ARFIP1: variants seen among roughly 807,000 people sequenced by gnomAD.
The protein encoded by ARFIP1 is arfaptin-1.
A neutral mutation model predicts 42.5 loss-of-function variants in ARFIP1; 24 were observed. The ratio of observed to expected loss-of-function variants is 0.57; its 90% CI spans 0.41 to 0.80. ARFIP1 has a LOEUF of 0.80. ARFIP1 is among the 30% of genes least tolerant of loss of function. ARFIP1 has a pLI of 0.00. For missense variants in ARFIP1, 354 were observed against 434.0 expected (o/e 0.82, Z 1.64); for synonymous variants, 141 against 153.7 (o/e 0.92, Z 0.61).
intron 1 of ARFIP1, among the ~76,000 whole-genome samples, chr4:152,801,518 A>G (rs1453541079): frequency 6.6e-6 from 1 of 152,194 alleles, no homozygotes; most frequent in Non-Finnish European, 1.5e-5. Context: ...TTCAGTAATT[A>G]TCCGGATTTC....
intron 5 of ARFIP1, among the ~76,000 whole-genome samples, chr4:152,873,467 A>G (rs924100766): frequency 6.6e-6 from 1 of 152,246 alleles, no homozygotes; most frequent in African/African-American, 2.4e-5. Context: ...AACATGTTAC[A>G]TGAATCTGTC....
rs1418077477 is a variant in ARFIP1 at position 152,804,267 on chromosome 4, AT to A, written c.-10+24043del. 4.6e-3 allele frequency among the ~76,000 whole-genome samples: 418 copies of A among 91,780 alleles called. 88 individuals are homozygous for A. The highest frequency in any genetic ancestry group is 0.018 in the African/African-American group (375 of 20,526). The allele number at this position is 91,780 out of a possible 152,430, so 60.2% of individuals were successfully genotyped here. A position where few individuals can be genotyped will look rare whatever the true frequency, so the allele number is the denominator to read the frequency against. On this transcript the variant is annotated intron_variant, in intron 1 of 8. Transcript: ENST00000353617. The stretch of plus-strand genomic sequence containing the variant: ...ATATATAATATAACATGTATTATAT[AT>A]TATATATATAACATAACATGTATTA...
chr4:152,795,166 GTT>G (rs1283522609), intron 1 of ARFIP1, among the ~76,000 whole-genome samples: 2 of 110,426 alleles, frequency 1.8e-5, no homozygotes, highest in East Asian at 4.7e-4. Context: ...CGGTGTTTTT[GTT>G]TGTTTGTTTG....
At chr4:152,901,892 TACA>T (rs901375892) in intron 8 of ARFIP1, among the ~76,000 whole-genome samples, 2 of 152,238 alleles carry the variant, frequency 1.3e-5, no homozygotes, top group Non-Finnish European at 2.9e-5. Context: ...GATGTTTTAA[TACA>T]ACTTCAAGGC....
At chr4:152,791,267 GGAC>G (rs1438328179) in intron 1 of ARFIP1, among the ~76,000 whole-genome samples, 9 of 152,082 alleles carry the variant, frequency 5.9e-5, no homozygotes, top group Non-Finnish European at 1.0e-4. Context: ...CTTTTGCATT[GGAC>G]AGTAAGGAAA....
At chr4:152,841,838 C>T (rs113724507) in intron 2 of ARFIP1, among the ~76,000 whole-genome samples, 2,413 of 152,226 alleles carry the variant, frequency 0.016, 62 homozygotes, top group African/African-American at 0.055. Flanking sequence ...TACCTCTGGA[C>T]CAGCCTGCTA....
chr4:152,852,565 G>A (rs528940395), intron 2 of ARFIP1, among the ~76,000 whole-genome samples: 1 of 152,044 alleles, frequency 6.6e-6, no homozygotes, highest in East Asian at 1.9e-4. Flanking sequence ...CCTGGGAGGC[G>A]GAGGTTGCAG....
chr4:152,826,670 T>C (rs1222926292), intron 1 of ARFIP1, among the ~76,000 whole-genome samples: 1 of 152,154 alleles, frequency 6.6e-6, no homozygotes, highest in Non-Finnish European at 1.5e-5. Flanking sequence ...GATCTAGTAA[T>C]ACTACTTCTG....
chr4:152,829,479 T>C, intron 1 of ARFIP1, 146 bp from the exon 2 acceptor site: 1 of 460,480 alleles, frequency 2.2e-6, no homozygotes, highest in Non-Finnish European at 3.8e-6. Context: ...TTTAAAATTA[T>C]ATATGTATTC....
chr4:152,878,116 T>G (rs536432910), intron 5 of ARFIP1, among the ~76,000 whole-genome samples: 1 of 152,344 alleles, frequency 6.6e-6, no homozygotes, highest in South Asian at 2.1e-4. Flanking sequence ...CTTTCCCAAG[T>G]AGAGAATCTA....
intron 3 of ARFIP1, among the ~76,000 whole-genome samples, chr4:152,866,478 G>C (rs1028576820): frequency 1.3e-5 from 2 of 151,430 alleles, no homozygotes; most frequent in African/African-American, 4.8e-5. Flanking sequence ...CCCGGACGGG[G>C]CAGCTGGCCG....
At chr4:152,782,165 G>C (rs1730539897) in intron 1 of ARFIP1, among the ~76,000 whole-genome samples, 1 of 151,814 alleles carries the variant, frequency 6.6e-6, no homozygotes, top group Non-Finnish European at 1.5e-5. Flanking sequence ...ATAGCTTCTT[G>C]ATAGATTAAA....
At chr4:152,862,758 T>G (rs1733992703) in intron 2 of ARFIP1, among the ~76,000 whole-genome samples, 1 of 152,232 alleles carries the variant, frequency 6.6e-6, no homozygotes. Flanking sequence ...TCTCTGAAGT[T>G]CTAGTCATGT....
chr4:152,782,223 GGTGT>G (rs71598214), intron 1 of ARFIP1, among the ~76,000 whole-genome samples: 5,144 of 148,614 alleles, frequency 0.035, 137 homozygotes, highest in African/African-American at 0.082. Context: ...AACAGGTAGG[GGTGT>G]GTGTGTGTGT....
intron 2 of ARFIP1, among the ~76,000 whole-genome samples, chr4:152,839,968 T>G (rs2149855073): frequency 6.6e-6 from 1 of 152,064 alleles, no homozygotes; most frequent in Middle Eastern, 3.4e-3. Flanking sequence ...TTCCCAGAGG[T>G]TTTGATAGGT....
intron 8 of ARFIP1, among the ~76,000 whole-genome samples, chr4:152,902,597 C>T (rs537952128): frequency 5.9e-5 from 9 of 152,092 alleles, no homozygotes; most frequent in Admixed American, 1.3e-4. Flanking sequence ...TTAGTGCTCC[C>T]CCAGTATAAC....
At chr4:152,829,558 A>G in intron 1 of ARFIP1, 67 bp from the exon 2 acceptor site, 1 of 1,059,562 alleles carries the variant, frequency 9.4e-7, no homozygotes. Flanking sequence ...TGTAAGTACT[A>G]TAAACATGAA....
chr4:152,882,138 A>G (rs1451994692), intron 6 of ARFIP1, among the ~76,000 whole-genome samples: 2 of 152,192 alleles, frequency 1.3e-5, no homozygotes, highest in Admixed American at 6.5e-5. Context: ...CTGCACCAAG[A>G]TGCAGTTTAT....
intron 2 of ARFIP1, among the ~76,000 whole-genome samples, chr4:152,863,024 G>A (rs1281912646): frequency 6.6e-6 from 1 of 152,138 alleles, no homozygotes; most frequent in East Asian, 1.9e-4. Context: ...AAGACCCAGT[G>A]TTGAATATTA....
Sources: allele counts gnomAD v4.1 joint callset (sites outside exome capture counted in the v4.1 genomes callset), GRCh38; gene constraint gnomAD v4.1.1; transcripts MANE v1.5; gene names NCBI Gene and HGNC (gene_info 2026-07-23, HGNC 2026-07-21).